Variants in SENP8 observed in about 807,000 individuals in gnomAD.
SENP8 encodes the protein SUMO peptidase family member, NEDD8 specific.
SENP8 carries 10 observed loss-of-function variants against 14.4 expected under a neutral mutation model. The ratio of observed to expected loss-of-function variants is 0.69; its 90% CI spans 0.43 to 1.18. The LOEUF (loss-of-function observed/expected upper bound fraction) is 1.18. Ranked by LOEUF, SENP8 falls within the 50% of genes most tolerant of loss-of-function variation. The pLI is 0.00. For synonymous variants in SENP8, 94 were observed against 95.5 expected, an observed-to-expected ratio of 0.98 and a Z score of 0.09; for missense variants, 202 against 249.4, an observed-to-expected ratio of 0.81 and a Z score of 1.28.
At chr15:72,126,111 T>C (rs919698257) in intron 1 of SENP8, among the ~76,000 whole-genome samples, 2 of 151,736 alleles carry the variant, frequency 1.3e-5, no homozygotes, top group South Asian at 2.1e-4. Flanking sequence ...GTGTGAGCTA[T>C]TTTTTTTAAC....
upstream of SENP8, among the ~76,000 whole-genome samples, chr15:72,116,132 G>C (rs1395991664): frequency 6.6e-6 from 1 of 152,214 alleles, no homozygotes; most frequent in Admixed American, 6.5e-5. Flanking sequence ...CATGAAGCTG[G>C]AAATAGTGGT....
At chr15:72,122,361 A>T (rs1336853977) in intron 1 of SENP8, among the ~76,000 whole-genome samples, 1 of 151,642 alleles carries the variant, frequency 6.6e-6, no homozygotes, top group African/African-American at 2.4e-5. Flanking sequence ...GATGGGAAAG[A>T]AGTTTAGTTT....
chr15:72,120,697 A>G (rs1229510612), intron 1 of SENP8, among the ~76,000 whole-genome samples: 1 of 152,250 alleles, frequency 6.6e-6, no homozygotes, highest in East Asian at 1.9e-4. Flanking sequence ...TGTGATATAT[A>G]TGCACTTTAT....
intron 1 of SENP8, among the ~76,000 whole-genome samples, chr15:72,124,700 A>G (rs1056896142): frequency 5.9e-5 from 9 of 152,214 alleles, no homozygotes; most frequent in Admixed American, 1.3e-4. Context: ...ATGTCATTAT[A>G]AGAGTGGGAA....
At chr15:72,134,243 T>C (rs1050119267) in intron 1 of SENP8, among the ~76,000 whole-genome samples, 1 of 152,226 alleles carries the variant, frequency 6.6e-6, no homozygotes, top group Non-Finnish European at 1.5e-5. Flanking sequence ...TGTTTCTTTA[T>C]TTTATATTGA....
In SENP8 at chr15:72,142,543, C is replaced by G. The variant is rs368132983; in HGVS notation, c.*2281C>G. On this transcript the variant is annotated 3_prime_UTR_variant, in exon 2 of 2. Coordinates refer to ENST00000340912, the MANE Select transcript of SENP8 (RefSeq NM_145204.4). The stretch of plus-strand genomic sequence containing the variant: ...TGGGCTAAGCAATTATCAAACTGAA[C>G]TAACCTGCTTTCAGATATCCTGTTG... The G allele has an allele frequency of 7.2e-5, 11 of 152,308 alleles. No individual in the cohort carries two copies. The highest frequency in any genetic ancestry group is 3.4e-3 in the Middle Eastern group (1 of 294). The allele number at this position is 152,308 out of a possible 1,614,324, so 9.4% of individuals were successfully genotyped here.
intron 1 of SENP8, among the ~76,000 whole-genome samples, chr15:72,139,100 C>T (rs936274404): frequency 5.3e-5 from 8 of 151,244 alleles, no homozygotes; most frequent in South Asian, 2.1e-4. Context: ...CCAATTAACA[C>T]GTTTTGTAAA....
At chr15:72,121,471 G>A (rs2081166788) in intron 1 of SENP8, among the ~76,000 whole-genome samples, 2 of 152,082 alleles carry the variant, frequency 1.3e-5, no homozygotes, top group African/African-American at 2.4e-5. Flanking sequence ...GCTCAGGCCT[G>A]TAATCCCAGC....
chr15:72,118,128 T>A, upstream of SENP8: 1 of 382,218 alleles, frequency 2.6e-6, no homozygotes, highest in Non-Finnish European at 4.6e-6. Flanking sequence ...ACTCCCCGGC[T>A]GCAGGCGAGC....
At chr15:72,119,489 C>T (rs1346981234) in intron 1 of SENP8, among the ~76,000 whole-genome samples, 1 of 152,208 alleles carries the variant, frequency 6.6e-6, no homozygotes, top group Non-Finnish European at 1.5e-5. Flanking sequence ...TGGCTCACGC[C>T]TGTAATCCCA....
At chr15:72,119,470 C>T (rs1387427050) in intron 1 of SENP8, among the ~76,000 whole-genome samples, 1 of 152,008 alleles carries the variant, frequency 6.6e-6, no homozygotes, top group Non-Finnish European at 1.5e-5. Flanking sequence ...GTCATTTAGC[C>T]GGGCGCGGTG....
chr15:72,121,803 C>T (rs1048871598), intron 1 of SENP8, among the ~76,000 whole-genome samples: 1 of 152,180 alleles, frequency 6.6e-6, no homozygotes, highest in African/African-American at 2.4e-5. Flanking sequence ...GAGTAACATA[C>T]ATTGGAATAA....
chr15:72,136,178 G>C (rs143292202), intron 1 of SENP8, among the ~76,000 whole-genome samples: 1 of 152,346 alleles, frequency 6.6e-6, no homozygotes, highest in East Asian at 1.9e-4. Context: ...TAAGGATACT[G>C]TGAGGCACTA....
chr15:72,122,449 A>G (rs961608103), intron 1 of SENP8, among the ~76,000 whole-genome samples: 2 of 152,246 alleles, frequency 1.3e-5, no homozygotes, highest in Non-Finnish European at 2.9e-5. Context: ...ATACCGGACT[A>G]TAGAAACTTA....
intron 1 of SENP8, among the ~76,000 whole-genome samples, chr15:72,131,678 A>G (rs1219143816): frequency 6.6e-6 from 1 of 152,212 alleles, no homozygotes; most frequent in African/African-American, 2.4e-5. Context: ...GATACAATAA[A>G]CTAACCCCTG....
At chr15:72,118,121 C>A (rs2081074428), upstream of SENP8, 2 of 385,570 alleles carry the variant, frequency 5.2e-6, no homozygotes, top group South Asian at 1.3e-4. Flanking sequence ...CCGCGCGACT[C>A]CCCGGCTGCA....
intron 1 of SENP8, chr15:72,139,288 A>G (rs192615666): frequency 9.6e-6 from 2 of 207,372 alleles, no homozygotes; most frequent in Admixed American, 1.1e-4. Flanking sequence ...ATCATAAAAG[A>G]AAATATATTT....
chr15:72,118,183 G>A, upstream of SENP8: 1 of 363,864 alleles, frequency 2.7e-6, no homozygotes, highest in Non-Finnish European at 4.9e-6. Context: ...TGCCAGCACG[G>A]GTCGGCCCCG....
At chr15:72,139,287 GA>G (rs1372587499) in intron 1 of SENP8, 1 of 204,724 alleles carries the variant, frequency 4.9e-6, no homozygotes, top group Non-Finnish European at 9.7e-6. Flanking sequence ...AATCATAAAA[GA>G]AAATATATTT....
Sources: allele counts gnomAD v4.1 joint callset (sites outside exome capture counted in the v4.1 genomes callset), GRCh38; gene constraint gnomAD v4.1.1; transcripts MANE v1.5; gene names NCBI Gene and HGNC (gene_info 2026-07-23, HGNC 2026-07-21).